The following DCLK2 variants were observed in gnomAD, a reference collection of about 807,000 sequenced individuals.
The protein encoded by DCLK2 is doublecortin like kinase 2.
In DCLK2, 31 loss-of-function variants were observed where a neutral mutation model predicts 78.4. The ratio of observed to expected loss-of-function variants is 0.40; its 90% CI spans 0.30 to 0.53. DCLK2 has a LOEUF of 0.53. Among genes scored for constraint, DCLK2 ranks in the 20% least tolerant of loss-of-function variants. The probability of loss-of-function intolerance (pLI) is 0.61; values close to 1 mark genes in which losing one functional copy is unlikely to be tolerated. For synonymous variants in DCLK2, 407 were observed against 374.9 expected (o/e 1.09, Z -0.99); for missense variants, 872 against 973.7 (o/e 0.90, Z 1.39).
chr4:150,234,199 T>A (rs981239545), intron 10 of DCLK2, among the ~76,000 whole-genome samples: 4 of 152,242 alleles, frequency 2.6e-5, no homozygotes, highest in African/African-American at 9.6e-5. Context: ...TTGTAATACA[T>A]TGAGCAAAAG....
intron 2 of DCLK2, among the ~76,000 whole-genome samples, chr4:150,171,086 A>G (rs903477477): frequency 3.3e-5 from 5 of 152,216 alleles, no homozygotes; most frequent in African/African-American, 9.6e-5. Context: ...AATGATTTCA[A>G]TGGTAACTTC....
chr4:150,106,959 G>A (rs1218727699), intron 2 of DCLK2, among the ~76,000 whole-genome samples: 1 of 152,184 alleles, frequency 6.6e-6, no homozygotes, highest in Non-Finnish European at 1.5e-5. Flanking sequence ...GTTTTCTTTA[G>A]TGTAGAGCAG....
At chr4:150,097,243 A>G (rs1730533024) in intron 1 of DCLK2, among the ~76,000 whole-genome samples, 1 of 150,306 alleles carries the variant, frequency 6.7e-6, no homozygotes, top group East Asian at 1.9e-4. Context: ...TGGTACTGCA[A>G]CCTCCGCCTT....
chr4:150,225,810 G>A (rs187533678), intron 8 of DCLK2, among the ~76,000 whole-genome samples: 2 of 152,188 alleles, frequency 1.3e-5, no homozygotes, highest in East Asian at 3.9e-4. Flanking sequence ...TGCTGCTCTA[G>A]AGCCAGATTC....
chr4:150,251,749 A>G (rs1490683820), intron 15 of DCLK2, among the ~76,000 whole-genome samples: 6 of 25,482 alleles, frequency 2.4e-4, no homozygotes, highest in Non-Finnish European at 7.1e-5. Context: ...AACACACCCC[A>G]CATTCCCCAC....
intron 2 of DCLK2, among the ~76,000 whole-genome samples, chr4:150,166,756 C>A (rs1307544262): frequency 6.6e-6 from 1 of 151,784 alleles, no homozygotes; most frequent in Non-Finnish European, 1.5e-5. Flanking sequence ...TTTGTTCATG[C>A]AATCTTTGTG....
intron 2 of DCLK2, among the ~76,000 whole-genome samples, chr4:150,144,854 G>A (rs1017164116): frequency 1.3e-5 from 2 of 152,190 alleles, no homozygotes; most frequent in Non-Finnish European, 2.9e-5. Context: ...CCAAAGTGCT[G>A]GGATTATAGG....
rs1744635681 is a variant in DCLK2, at chr4:150,257,271, TC to T, written c.*1026del. The stretch of plus-strand genomic sequence containing the variant: ...CTTCTGGAAGGCTGCTGGCAGTTTT[TC>T]CTTTTTGTCCACCACCCTGCTCTTT... On this transcript the variant is annotated 3_prime_UTR_variant, in exon 16 of 16. Transcript: ENST00000296550. 2 of 152,726 alleles carry T rather than the reference TC, an allele frequency of 1.3e-5. No individual in the cohort carries two copies. Among genetic ancestry groups the T allele is most frequent in the Non-Finnish European group, 2.9e-5 (2 of 68,112 alleles). The allele number at this position is 152,726 out of a possible 1,614,324, so 9.5% of individuals were successfully genotyped here.
intron 10 of DCLK2, among the ~76,000 whole-genome samples, chr4:150,238,054 C>T (rs1742639506): frequency 2.6e-5 from 4 of 152,000 alleles, no homozygotes; most frequent in African/African-American, 9.7e-5. Context: ...TATATTTATC[C>T]CGTAGTTTTG....
intron 10 of DCLK2, among the ~76,000 whole-genome samples, chr4:150,233,069 G>A (rs985783126): frequency 2.0e-5 from 3 of 152,134 alleles, no homozygotes. Flanking sequence ...ACCTGAGACT[G>A]GGTAATTTAT....
At chr4:150,137,349 A>G (rs115766723) in intron 2 of DCLK2, among the ~76,000 whole-genome samples, 2,250 of 152,218 alleles carry the variant, frequency 0.015, 68 homozygotes, top group African/African-American at 0.051. Flanking sequence ...ATGGAAACAC[A>G]TATGGCCTCT....
At chr4:150,199,149 T>C in intron 4 of DCLK2, 1 of 1,354,778 alleles carries the variant, frequency 7.4e-7, no homozygotes, top group Middle Eastern at 1.8e-4. Context: ...CTTTTCTGTT[T>C]CCTTTTGCTC....
chr4:150,254,571 T>A (rs1744427527), intron 15 of DCLK2: 3 of 398,120 alleles, frequency 7.5e-6, no homozygotes, highest in Non-Finnish European at 1.3e-5. Context: ...AGGAAAAACC[T>A]GTATGCTGGC....
intron 12 of DCLK2, among the ~76,000 whole-genome samples, chr4:150,242,647 A>G (rs1161827881): frequency 2.0e-5 from 3 of 152,254 alleles, no homozygotes; most frequent in Middle Eastern, 3.4e-3. Context: ...TTCATCATGC[A>G]GGGGCTGTCC....
intron 2 of DCLK2, among the ~76,000 whole-genome samples, chr4:150,120,868 A>C (rs764700240): frequency 1.3e-5 from 2 of 152,196 alleles, no homozygotes; most frequent in African/African-American, 2.4e-5. Context: ...TAGGAGTTCG[A>C]GACCAGCCTG....
intron 1 of DCLK2, among the ~76,000 whole-genome samples, chr4:150,085,291 C>T (rs1243777504): frequency 6.6e-6 from 1 of 152,074 alleles, no homozygotes; most frequent in Non-Finnish European, 1.5e-5. Flanking sequence ...TAACAGAATA[C>T]CACAGACTAG....
At chr4:150,081,405 C>T (rs1054558962) in intron 1 of DCLK2, among the ~76,000 whole-genome samples, 1 of 152,144 alleles carries the variant, frequency 6.6e-6, no homozygotes, top group Non-Finnish European at 1.5e-5. Context: ...AACAAATTTC[C>T]TTCAAATCAT....
In DCLK2 at chr4:150,102,617, A is replaced by G. The variant is rs754307941; in HGVS notation, c.561A>G (p.Val187=). The G allele has an allele frequency of 4.5e-5, 72 of 1,614,052 alleles. 1 individual carries two copies. The South Asian group carries it at 6.3e-4, about 14-fold the overall frequency. The part of the protein sequence containing the change: ...LAAASSVKSE[V]KESKDFIKPK... Reference sequence around the variant, plus strand: ...CTGCCTCCTCTGTGAAAAGTGAAGTAAAAGAAAGTAAAGATTTCATCAAAC... The same window carrying G: ...CTGCCTCCTCTGTGAAAAGTGAAGTGAAAGAAAGTAAAGATTTCATCAAAC... Residue 187 remains valine (V), a synonymous_variant, in exon 2 of 16, where the codon GTA becomes GTG. Coordinates refer to ENST00000296550, the MANE Select transcript of DCLK2 (RefSeq NM_001040260.4).
chr4:150,230,162 G>C (rs567229001), intron 8 of DCLK2, among the ~76,000 whole-genome samples: 79 of 152,142 alleles, frequency 5.2e-4, no homozygotes, highest in Non-Finnish European at 9.7e-4. Context: ...GAATTCAGTA[G>C]GCTAATAAGT....
Sources: gnomAD v4.1 joint callset for allele counts (sites outside exome capture counted in the v4.1 genomes callset) on GRCh38, gnomAD v4.1.1 for gene constraint, MANE v1.5 for transcripts, NCBI Gene and HGNC (gene_info 2026-07-23, HGNC 2026-07-21) for gene names.